Variants in MACROD2 observed in about 807,000 individuals in gnomAD.
MACROD2 encodes the protein ADP-ribose glycohydrolase MACROD2.
A neutral mutation model predicts 70.4 loss-of-function variants in MACROD2; 36 were observed. That is an observed-to-expected ratio of 0.51 (90% CI 0.39 to 0.68). The LOEUF is 0.68. Among genes scored for constraint, MACROD2 ranks in the 30% least tolerant of loss-of-function variants. The pLI, the probability that MACROD2 is intolerant of heterozygous loss-of-function variation, is 0.00. For synonymous variants in MACROD2, 172 were observed against 178.8 expected (o/e 0.96, Z 0.30); for missense variants, 496 against 538.4 (o/e 0.92, Z 0.78).
At chr20:14,560,308 TACACACACACACACAC>T (rs1232499100) in intron 4 of MACROD2, among the ~76,000 whole-genome samples, 1 of 147,350 alleles carries the variant, frequency 6.8e-6, no homozygotes, top group African/African-American at 2.5e-5. Flanking sequence ...GTACTTAATG[TACACACACACACACAC>T]ACACACACAC....
At chr20:15,695,430 C>CA (rs1338051979) in intron 8 of MACROD2, among the ~76,000 whole-genome samples, 3 of 144,282 alleles carry the variant, frequency 2.1e-5, no homozygotes, top group African/African-American at 7.8e-5. Flanking sequence ...TTTTTGGAGA[C>CA]AGAGTCTTGC....
At chr20:15,204,865 C>T (rs1448976185) in intron 5 of MACROD2, among the ~76,000 whole-genome samples, 3 of 152,144 alleles carry the variant, frequency 2.0e-5, no homozygotes, top group Non-Finnish European at 4.4e-5. Context: ...GATGTAGAAT[C>T]TTCCACGCAC....
At chr20:14,756,237 G>C (rs892403459) in intron 5 of MACROD2, among the ~76,000 whole-genome samples, 2 of 151,678 alleles carry the variant, frequency 1.3e-5, no homozygotes, top group African/African-American at 4.9e-5. Context: ...CTTGCTTTCT[G>C]TTCCCTCTTT....
intron 3 of MACROD2, among the ~76,000 whole-genome samples, chr20:14,196,434 C>T (rs1389784377): frequency 5.3e-5 from 8 of 152,210 alleles, no homozygotes; most frequent in Non-Finnish European, 1.2e-4. Context: ...GCCAGAATTA[C>T]ATTAAAATTA....
intron 7 of MACROD2, among the ~76,000 whole-genome samples, chr20:15,477,099 G>GTT (rs371999407): frequency 0.059 from 6,839 of 115,296 alleles, 717 homozygotes; most frequent in African/African-American, 0.16. Flanking sequence ...TCTATTTTTA[G>GTT]TTTTTTTTTT....
At chr20:14,894,647 C>T (rs1340614975) in intron 5 of MACROD2, 1 of 152,104 alleles carries the variant, frequency 6.6e-6, no homozygotes, top group Non-Finnish European at 1.5e-5. Context: ...GTTAATATTG[C>T]ATTTAATATT....
chr20:15,168,436 G>A (rs1363453171), intron 5 of MACROD2, among the ~76,000 whole-genome samples: 1 of 136,388 alleles, frequency 7.3e-6, no homozygotes, highest in Non-Finnish European at 1.6e-5. Flanking sequence ...TCTCCACATT[G>A]TGGGATGTGT....
rs57697517 is a variant in MACROD2 at position 14,940,148 on chromosome 20, C to CAAAAAAAAAAAAA, written c.418+255205_418+255217dup. On this transcript the variant is annotated intron_variant, in intron 5 of 17. Transcript: ENST00000684519. ...CAACATATGGAAACCCTCATCTCTG[C>CAAAAAAAAAAAAA]AAAAAAAAAAAAAAAAAAAAAAAAA... 1.8e-4 allele frequency among the ~76,000 whole-genome samples: 10 copies of CAAAAAAAAAAAAA among 55,106 alleles called. 1 individual carries two copies. The highest frequency in any genetic ancestry group is 5.7e-4 in the East Asian group (1 of 1,764). 36.2% of individuals were successfully genotyped at this position (55,106 alleles called of 152,430 possible).
intron 8 of MACROD2, among the ~76,000 whole-genome samples, chr20:15,574,845 T>C (rs776110075): frequency 6.6e-6 from 1 of 152,202 alleles, no homozygotes; most frequent in Non-Finnish European, 1.5e-5. Flanking sequence ...TTTCAGATTC[T>C]TTTGCTAGTC....
At chr20:14,570,414 T>G (rs1423637864) in intron 4 of MACROD2, among the ~76,000 whole-genome samples, 1 of 151,932 alleles carries the variant, frequency 6.6e-6, no homozygotes, top group Non-Finnish European at 1.5e-5. Flanking sequence ...TTGATCTAGG[T>G]GTTGGTTACC....
chr20:14,868,086 G>A (rs779531374), intron 5 of MACROD2, among the ~76,000 whole-genome samples: 3 of 151,818 alleles, frequency 2.0e-5, no homozygotes, highest in Non-Finnish European at 2.9e-5. Context: ...GCCATTCTCT[G>A]CCAAAAGGAC....
At chr20:14,623,161 T>TA (rs1983931443) in intron 4 of MACROD2, 1 of 152,150 alleles carries the variant, frequency 6.6e-6, no homozygotes, top group East Asian at 1.9e-4. Context: ...AGACCTGTGT[T>TA]ACAACTGAAT....
intron 3 of MACROD2, among the ~76,000 whole-genome samples, chr20:14,151,210 A>G (rs1318111275): frequency 1.3e-5 from 2 of 152,154 alleles, no homozygotes; most frequent in Non-Finnish European, 1.5e-5. Context: ...CACATTATGC[A>G]CTTAAAGGGC....
intron 7 of MACROD2, among the ~76,000 whole-genome samples, chr20:15,462,154 G>T (rs1031913199): frequency 3.9e-5 from 6 of 152,042 alleles, no homozygotes; most frequent in Non-Finnish European, 8.8e-5. Flanking sequence ...TGCCAATTTT[G>T]GGAATATTCT....
rs191703401 is a variant in MACROD2 at position 14,634,070 on chromosome 20, A to G, written c.302-50773A>G. ...TGGGTCCAGGAGCATTGCTCTCTTC[A>G]CAGCCCCCTGGGCGTGCCATTTCCC... On this transcript the variant is annotated intron_variant, in intron 4 of 17. Coordinates refer to ENST00000684519, the MANE Select transcript of MACROD2 (RefSeq NM_001351661.2). Among the ~76,000 whole-genome samples, 375 of 152,266 alleles carry G rather than the reference A, an allele frequency of 2.5e-3. 2 individuals carry two copies. Among genetic ancestry groups the G allele is most frequent in the Non-Finnish European group, 4.3e-3 (295 of 68,022 alleles).
At chr20:15,487,996 A>T (rs2047183384) in intron 7 of MACROD2, among the ~76,000 whole-genome samples, 1 of 152,292 alleles carries the variant, frequency 6.6e-6, no homozygotes, top group African/African-American at 2.4e-5. Flanking sequence ...CATGAGACAC[A>T]AGTGGTTTAC....
chr20:14,085,821 T>A, intron 3 of MACROD2, 93 bp downstream of exon 3: 1 of 695,694 alleles, frequency 1.4e-6, no homozygotes, highest in Non-Finnish European at 2.2e-6. Flanking sequence ...TAGAAAAAAA[T>A]GCTTTTTGAC....
chr20:14,100,934 T>G (rs962547734), intron 3 of MACROD2, among the ~76,000 whole-genome samples: 4 of 148,988 alleles, frequency 2.7e-5, no homozygotes, highest in Non-Finnish European at 4.5e-5. Flanking sequence ...TCAAGAGTTT[T>G]GACATCTTTA....
chr20:14,424,097 T>A (rs2083908655), intron 3 of MACROD2, among the ~76,000 whole-genome samples: 1 of 152,132 alleles, frequency 6.6e-6, no homozygotes, highest in Non-Finnish European at 1.5e-5. Context: ...ATTTTTATAT[T>A]GTCCCTTTAA....
Sources: allele counts gnomAD v4.1 joint callset (sites outside exome capture counted in the v4.1 genomes callset), GRCh38; gene constraint gnomAD v4.1.1; transcripts MANE v1.5; gene names NCBI Gene and HGNC (gene_info 2026-07-23, HGNC 2026-07-21).